SNRPN: variants seen among roughly 807,000 people sequenced by gnomAD.
The protein encoded by SNRPN is small nuclear ribonucleoprotein-associated protein N.
Under a neutral mutation model 25.2 loss-of-function variants are expected in SNRPN, and 7 were observed. The observed-to-expected ratio is 0.28, with a 90% confidence interval of 0.16 to 0.52. SNRPN has a LOEUF of 0.52. SNRPN is among the 20% of genes least tolerant of loss of function. The pLI is 0.96. For synonymous variants in SNRPN, 124 were observed against 110.6 expected (o/e 1.12, Z -0.76); for missense variants, 196 against 322.5 (o/e 0.61, Z 3.00).
In SNRPN at chr15:24,834,233, C is replaced by T. The variant is rs571920747; in HGVS notation, c.-579+4328C>T. On this transcript the variant is annotated intron_variant, in intron 2 of 12. Transcript: ENST00000400100. Reference sequence around the variant, plus strand: ...GCCACTGTGCCCAGCCTGTAAATGCCCATCCCATTATATTTCTTTTGTAAA... The same window carrying T: ...GCCACTGTGCCCAGCCTGTAAATGCTCATCCCATTATATTTCTTTTGTAAA... 3.3e-5 allele frequency among the ~76,000 whole-genome samples: 5 copies of T among 152,162 alleles called. No individual in the cohort carries two copies. In the South Asian group the frequency reaches 1.0e-3, roughly 32 times the overall value.
chr15:24,936,937 C>T (rs775859406), intron 3 of SNRPN, among the ~76,000 whole-genome samples: 1 of 152,018 alleles, frequency 6.6e-6, no homozygotes, highest in Non-Finnish European at 1.5e-5. Context: ...ATGTATCTTG[C>T]CAGTAACTTA....
chr15:24,829,190 T>C (rs1432194736), intron 1 of SNRPN, among the ~76,000 whole-genome samples: 1 of 152,084 alleles, frequency 6.6e-6, no homozygotes, highest in Admixed American at 6.5e-5. Flanking sequence ...AGACAAAGTT[T>C]CCAAATTCTC....
chr15:24,970,500 A>G (rs987674177), intron 3 of SNRPN, among the ~76,000 whole-genome samples: 2 of 151,968 alleles, frequency 1.3e-5, no homozygotes, highest in African/African-American at 4.8e-5. Context: ...AATTTCTTGA[A>G]CCCTAGGGGC....
chr15:24,954,960 G>T, upstream of SNRPN: 3 of 1,584,336 alleles, frequency 1.9e-6, no homozygotes, highest in Admixed American at 1.8e-5. Context: ...TGTGTGCGAA[G>T]CCTGCCGCTG....
chr15:24,876,532 G>A (rs1018665330), intron 1 of SNRPN, among the ~76,000 whole-genome samples: 14 of 150,340 alleles, frequency 9.3e-5, no homozygotes, highest in African/African-American at 2.5e-4. Context: ...CAGGAGAATC[G>A]CTTGAGCCCA....
intron 1 of SNRPN, among the ~76,000 whole-genome samples, chr15:24,883,461 C>T (rs1274558548): frequency 1.3e-5 from 2 of 151,698 alleles, no homozygotes; most frequent in African/African-American, 2.4e-5. Context: ...TTTTATAATC[C>T]CTACCCCCTC....
chr15:24,951,041 G>T (rs111780671), upstream of SNRPN, among the ~76,000 whole-genome samples: 35,062 of 151,614 alleles, frequency 0.23, 4,976 homozygotes, highest in South Asian at 0.41. Flanking sequence ...GTATTTTTTA[G>T]TAGAGACAGA....
intron 1 of SNRPN, among the ~76,000 whole-genome samples, chr15:24,868,121 G>GTATATATATATA (rs71127007): frequency 2.8e-4 from 41 of 145,978 alleles, no homozygotes; most frequent in South Asian, 1.1e-3. Flanking sequence ...GTGTGTGTGT[G>GTATATATATATA]TATATATATA....
chr15:24,870,537 A>G, intron 1 of SNRPN, among the ~76,000 whole-genome samples: 1 of 152,220 alleles, frequency 6.6e-6, no homozygotes, highest in Admixed American at 6.5e-5. Context: ...TGGCCTTGTT[A>G]ACTTAATCAC....
At chr15:24,906,974 G>A (rs971447937) in intron 2 of SNRPN, among the ~76,000 whole-genome samples, 1 of 152,042 alleles carries the variant, frequency 6.6e-6, no homozygotes, top group Admixed American at 6.6e-5. Flanking sequence ...GCAGAGGGAG[G>A]GAGGATGAAG....
intron 1 of SNRPN, among the ~76,000 whole-genome samples, chr15:24,878,824 T>G (rs1045059499): frequency 1.4e-4 from 22 of 152,156 alleles, no homozygotes; most frequent in Non-Finnish European, 3.1e-4. Flanking sequence ...AATGAGATAC[T>G]ACTTTAATCA....
chr15:24,961,580 A>G (rs546680166), intron 1 of SNRPN, among the ~76,000 whole-genome samples: 2 of 152,094 alleles, frequency 1.3e-5, no homozygotes, highest in African/African-American at 4.8e-5. Context: ...TGCTATGTGG[A>G]TAGTTTTTAG....
chr15:24,950,884 C>G (rs539987394), upstream of SNRPN, among the ~76,000 whole-genome samples: 5 of 148,090 alleles, frequency 3.4e-5, no homozygotes, highest in Non-Finnish European at 7.4e-5. Context: ...AAATTTGAAA[C>G]GGAGTCCTGC....
chr15:24,972,364 T>C (rs1400657389), intron 3 of SNRPN, among the ~76,000 whole-genome samples: 1 of 152,300 alleles, frequency 6.6e-6, no homozygotes, highest in African/African-American at 2.4e-5. Flanking sequence ...TTCTAAGTTA[T>C]AGTCCTTAAA....
At chr15:24,874,814 G>A (rs968199448) in intron 1 of SNRPN, among the ~76,000 whole-genome samples, 1 of 152,144 alleles carries the variant, frequency 6.6e-6, no homozygotes, top group Admixed American at 6.5e-5. Flanking sequence ...TGACAATGTG[G>A]GGTAAATCAT....
chr15:24,967,623 CAG>C (rs1236767088), intron 2 of SNRPN, among the ~76,000 whole-genome samples: 2 of 147,850 alleles, frequency 1.4e-5, no homozygotes, highest in Non-Finnish European at 3.0e-5. Context: ...GCCTGGGCGA[CAG>C]AGTGAGACTC....
chr15:24,884,148 C>CAAAAAAAAAAAAAAAAAAA (rs61039873), intron 1 of SNRPN, among the ~76,000 whole-genome samples: 19 of 104,830 alleles, frequency 1.8e-4, no homozygotes, highest in African/African-American at 7.0e-4. Context: ...CCTGCCTCTA[C>CAAAAAAAAAAAAAAAAAAA]AAAAAAAAAA....
At chr15:24,866,387 C>T (rs1298474775) in intron 1 of SNRPN, among the ~76,000 whole-genome samples, 5 of 152,048 alleles carry the variant, frequency 3.3e-5, no homozygotes, top group Non-Finnish European at 7.4e-5. Context: ...AGAACACTTT[C>T]TATCCACTTT....
intron 3 of SNRPN, among the ~76,000 whole-genome samples, chr15:24,928,183 A>C (rs2060541447): frequency 1.3e-5 from 2 of 152,154 alleles, no homozygotes; most frequent in South Asian, 4.1e-4. Flanking sequence ...AGTCCTCAAA[A>C]AACTACAAAT....
Sources: allele counts gnomAD v4.1 joint callset (sites outside exome capture counted in the v4.1 genomes callset), GRCh38; gene constraint gnomAD v4.1.1; transcripts MANE v1.5; gene names NCBI Gene and HGNC (gene_info 2026-07-23, HGNC 2026-07-21).